Variants in PCDHGB5 observed in about 807,000 individuals in gnomAD.
PCDHGB5 encodes protocadherin gamma-B5.
A neutral mutation model predicts 62.9 loss-of-function variants in PCDHGB5; 48 were observed. The observed-to-expected ratio is 0.76, with a 90% confidence interval of 0.61 to 0.97. The LOEUF (loss-of-function observed/expected upper bound fraction) is 0.97. Among genes scored for constraint, PCDHGB5 ranks in the 50% least tolerant of loss-of-function variants. PCDHGB5 has a pLI of 0.00. For missense variants in PCDHGB5, 1,118 were observed against 1,198.6 expected (o/e 0.93, Z 0.99); for synonymous variants, 474 against 511.2 (o/e 0.93, Z 0.98).
chr5:141,499,261 GT>G (rs2099790689), intron 2 of PCDHGB5, among the ~76,000 whole-genome samples: 1 of 152,022 alleles, frequency 6.6e-6, no homozygotes, highest in South Asian at 2.1e-4. Context: ...TCTCCATTTG[GT>G]CCCTAGACTG....
At chr5:141,468,931 G>A (rs1321821773) in intron 1 of PCDHGB5, among the ~76,000 whole-genome samples, 2 of 148,600 alleles carry the variant, frequency 1.3e-5, no homozygotes, top group Non-Finnish European at 3.0e-5. Flanking sequence ...GCACTAAAAT[G>A]GGAGATGGGG....
chr5:141,419,067 A>C (rs2096321794), intron 1 of PCDHGB5: 2 of 1,613,956 alleles, frequency 1.2e-6, no homozygotes, highest in African/African-American at 1.3e-5. Flanking sequence ...AATTACTACA[A>C]GCTAGTAACA....
At chr5:141,433,028 G>C in intron 1 of PCDHGB5, 1 of 1,614,116 alleles carries the variant, frequency 6.2e-7, no homozygotes, top group Non-Finnish European at 8.5e-7. Context: ...TTCCCACGAG[G>C]TTTCCCTCAC....
chr5:141,414,139 G>A (rs1245110230), intron 1 of PCDHGB5: 6 of 1,596,386 alleles, frequency 3.8e-6, no homozygotes, highest in African/African-American at 1.3e-5. Context: ...CTATGAAATA[G>A]AAATACAAGC....
Position 141,489,732 on chromosome 5 carries a change from C to T in PCDHGB5, c.2398-5075C>T, listed in dbSNP as rs1562132763. On this transcript the variant is annotated intron_variant, in intron 1 of 3. Coordinates refer to ENST00000617380, the MANE Select transcript of PCDHGB5 (RefSeq NM_018925.3). This position sits in a 1 kb window ranked among gnomAD's most constrained non-coding sequence, Gnocchi z 4.5. ...GTGCCCAGGATCCGGATGTGGGCAC[C>T]AATACTGTGAGCTTTTACACTCTAA... 3.1e-6 allele frequency: 5 copies of T among 1,614,126 alleles called. No individual in the cohort carries two copies. The highest frequency in any genetic ancestry group is 1.1e-5 in the South Asian group (1 of 91,074).
chr5:141,419,705 C>A, intron 1 of PCDHGB5: 1 of 1,613,038 alleles, frequency 6.2e-7, no homozygotes, highest in South Asian at 1.1e-5. Flanking sequence ...TGAGCCCGGG[C>A]TCTTCAGCCT....
At chr5:141,433,546 T>C (rs1317735935) in intron 1 of PCDHGB5, among the ~76,000 whole-genome samples, 1 of 152,090 alleles carries the variant, frequency 6.6e-6, no homozygotes, top group Non-Finnish European at 1.5e-5. Context: ...TATCAGATAT[T>C]CTTTTCTGGC....
rs978480877 is a variant in PCDHGB5, at chr5:141,417,841, G to A, written c.2397+17317G>A. ...CTCCAACTGGAAAAGCGGGGACCCAGCGAGAACCCGAGCGAACGATGGGAG... is the reference window on the plus strand; with the variant it reads ...CTCCAACTGGAAAAGCGGGGACCCAACGAGAACCCGAGCGAACGATGGGAG... On this transcript the variant is annotated intron_variant, in intron 1 of 3. Coordinates refer to ENST00000617380, the MANE Select transcript of PCDHGB5 (RefSeq NM_018925.3). 1.4e-5 allele frequency: 21 copies of A among 1,537,848 alleles called. No homozygotes were observed. In the African/African-American group the frequency reaches 2.6e-4, roughly 19 times the overall value.
chr5:141,427,229 G>A (rs1377470019), intron 1 of PCDHGB5: 3 of 456,628 alleles, frequency 6.6e-6, no homozygotes, highest in Non-Finnish European at 1.3e-5. Context: ...GTTATACCAT[G>A]AGAGTAGAAG....
At chr5:141,404,877 T>C in intron 1 of PCDHGB5, 1 of 1,613,856 alleles carries the variant, frequency 6.2e-7, no homozygotes, top group East Asian at 2.2e-5. Flanking sequence ...AAACAGAGCC[T>C]TGTGGTGGCT....
intron 1 of PCDHGB5, among the ~76,000 whole-genome samples, chr5:141,407,680 C>A (rs2094967585): frequency 6.6e-6 from 1 of 151,942 alleles, no homozygotes; most frequent in Non-Finnish European, 1.5e-5. Flanking sequence ...CAAAGATTGG[C>A]TTTGTGGTGA....
At position 141,478,736 on chromosome 5, in the gene PCDHGB5, T is replaced by G; in HGVS notation, c.2398-16071T>G. On this transcript the variant is annotated intron_variant, in intron 1 of 3. Coordinates refer to ENST00000617380, the MANE Select transcript of PCDHGB5 (RefSeq NM_018925.3). Reference sequence around the variant, plus strand: ...TGGTGGCCTGCCAGAGTGTGGTTTGTGGTCCCATTTCAGGGGGAAGATACT... The same window carrying G: ...TGGTGGCCTGCCAGAGTGTGGTTTGGGGTCCCATTTCAGGGGGAAGATACT... 5 of 1,534,796 alleles carry G rather than the reference T, an allele frequency of 3.3e-6. No homozygotes were observed. In the South Asian group the frequency reaches 6.2e-5, roughly 19 times the overall value.
chr5:141,481,679 C>T (rs2099541734), intron 1 of PCDHGB5, among the ~76,000 whole-genome samples: 1 of 151,948 alleles, frequency 6.6e-6, no homozygotes, highest in Non-Finnish European at 1.5e-5. Context: ...TCAGGCCGGG[C>T]CTGGTGGCTC....
intron 1 of PCDHGB5, chr5:141,408,674 A>C (rs1005052894): frequency 6.2e-7 from 1 of 1,613,882 alleles, no homozygotes; most frequent in African/African-American, 1.3e-5. Flanking sequence ...TGACCCTGCC[A>C]CGGATCCTGA....
Position 141,490,849 on chromosome 5 carries a change from C to T in PCDHGB5, c.2398-3958C>T, listed in dbSNP as rs200640560. The stretch of plus-strand genomic sequence containing the variant: ...GATGCTGCAGATTGTGGTGGGGGTT[C>T]GAGACTCCGGCTCTCCCCCATTGCA... On this transcript the variant is annotated intron_variant, in intron 1 of 3. Coordinates refer to ENST00000617380, the MANE Select transcript of PCDHGB5 (RefSeq NM_018925.3). This position sits in a 1 kb window ranked among gnomAD's most constrained non-coding sequence, Gnocchi z 5.4. The T allele has an allele frequency of 1.3e-5, 21 of 1,613,748 alleles. No individual in the cohort carries two copies. Among genetic ancestry groups the T allele is most frequent in the Admixed American group, 1.7e-5 (1 of 60,022 alleles).
At chr5:141,449,021 C>T (rs897401758) in intron 1 of PCDHGB5, among the ~76,000 whole-genome samples, 3 of 152,104 alleles carry the variant, frequency 2.0e-5, no homozygotes, top group Non-Finnish European at 4.4e-5. Context: ...AGTTGCTTAG[C>T]ATTCCTTTGG....
intron 1 of PCDHGB5, among the ~76,000 whole-genome samples, chr5:141,481,743 G>C (rs1257734207): frequency 1.3e-5 from 2 of 152,096 alleles, no homozygotes; most frequent in Non-Finnish European, 2.9e-5. Context: ...CACGAGGTCA[G>C]GAGTCCAAGA....
chr5:141,419,734 G>A, intron 1 of PCDHGB5: 2 of 1,613,792 alleles, frequency 1.2e-6, no homozygotes, highest in Non-Finnish European at 1.7e-6. Context: ...GAACAGGCGA[G>A]GTGCGCATGG....
At position 141,487,736 on chromosome 5, in the gene PCDHGB5, G is replaced by C; in HGVS notation, c.2398-7071G>C. On this transcript the variant is annotated intron_variant, in intron 1 of 3. Transcript: ENST00000617380. The surrounding 1 kb of genome is among the most constrained non-coding windows in gnomAD (Gnocchi z 5.0). Reference sequence around the variant, plus strand: ...TGCCCATAGTGATGTCACCATTTTTGTAAGAGGTAACTATGTGGTAGACGC... The same window carrying C: ...TGCCCATAGTGATGTCACCATTTTTCTAAGAGGTAACTATGTGGTAGACGC... 1 of 1,563,758 alleles carries C rather than the reference G, an allele frequency of 6.4e-7. No homozygotes were observed.
Sources: allele counts gnomAD v4.1 joint callset (sites outside exome capture counted in the v4.1 genomes callset), GRCh38; gene constraint gnomAD v4.1.1; non-coding constraint Gnocchi (gnomAD v3.1); transcripts MANE v1.5; gene names NCBI Gene and HGNC (gene_info 2026-07-23, HGNC 2026-07-21).